The following C1GALT1 variants were observed in gnomAD, a reference collection of about 807,000 sequenced individuals.
The protein encoded by C1GALT1 is core 1 synthase, glycoprotein-N-acetylgalactosamine 3-beta-galactosyltransferase 1, also known as glycoprotein-N-acetylgalactosamine 3-beta-galactosyltransferase 1.
Under a neutral mutation model 31.0 loss-of-function variants are expected in C1GALT1, and 11 were observed. That is an observed-to-expected ratio of 0.36 (90% CI 0.22 to 0.59). C1GALT1 has a LOEUF of 0.59. Among genes scored for constraint, C1GALT1 ranks in the 20% least tolerant of loss-of-function variants. The probability of loss-of-function intolerance (pLI) is 0.79; values close to 1 mark genes in which losing one functional copy is unlikely to be tolerated. For synonymous variants in C1GALT1, 175 were observed against 143.6 expected, an observed-to-expected ratio of 1.22 and a Z score of -1.56; for missense variants, 424 against 425.2, an observed-to-expected ratio of 1.00 and a Z score of 0.03.
chr7:7,167,321 C>T (rs1186146342), intron 2 of C1GALT1, among the ~76,000 whole-genome samples: 7 of 152,182 alleles, frequency 4.6e-5, no homozygotes, highest in Non-Finnish European at 1.0e-4. Context: ...GAACAGCATT[C>T]ATTGAGATTA....
At chr7:7,163,858 G>T (rs924372858) in intron 2 of C1GALT1, among the ~76,000 whole-genome samples, 2 of 151,490 alleles carry the variant, frequency 1.3e-5, no homozygotes, top group African/African-American at 4.8e-5. Flanking sequence ...TCATGGGTAG[G>T]AAGAATCAAT....
In C1GALT1 at chr7:7,238,373, G is replaced by T; in HGVS notation, c.339G>T (p.Gln113His). Residue 113 changes from glutamine to histidine, a missense_variant, in exon 3 of 4, where the codon CAG becomes CAT. Physicochemically the swap from Gln to His is conservative, Grantham distance 24. Coordinates refer to ENST00000436587, the MANE Select transcript of C1GALT1 (RefSeq NM_020156.5). The surrounding 1 kb of genome is among the most constrained non-coding windows in gnomAD (Gnocchi z 5.2). ...AACACGTCAAAGCTACTTGGGCCCA[G>T]CGTTGTAACAAAGTGTTGTTTATGA... is the stretch of plus-strand genomic sequence containing the variant. ...KAKHVKATWA[Q>H]RCNKVLFMSS... 3.1e-6 allele frequency: 5 copies of T among 1,614,102 alleles called. No individual in the cohort carries two copies. Among genetic ancestry groups the T allele is most frequent in the Non-Finnish European group, 4.2e-6 (5 of 1,179,992 alleles).
chr7:7,243,707 G>C lies in C1GALT1; in HGVS notation c.1072G>C (p.Val358Leu), dbSNP rs747744965. The C allele has an allele frequency of 1.2e-6, 2 of 1,604,326 alleles. No homozygotes were observed. Among genetic ancestry groups the C allele is most frequent in the East Asian group, 4.5e-5 (2 of 44,770 alleles). Residue 358 changes from valine (V) to leucine (L), a missense_variant, in exon 4 of 4, where the codon GTG becomes CTG. By Grantham distance (32) the Val-to-Leu change is conservative. This residue lies in a region of C1GALT1 where 191 missense variants were observed against 188.8 expected (regional missense o/e 1.01). Transcript: ENST00000436587. ...SQANKNEDTK[V>L]KLGNP The stretch of plus-strand genomic sequence containing the variant: ...AGCAAACAAAAATGAAGATACAAAA[G>C]TGAAGTTAGGAAATCCTTGAAAGAA...
At chr7:7,179,977 A>T (rs1780552378), upstream of C1GALT1, among the ~76,000 whole-genome samples, 1 of 152,186 alleles carries the variant, frequency 6.6e-6, no homozygotes, top group Non-Finnish European at 1.5e-5. Flanking sequence ...TGATGGTCAC[A>T]TGGCCAGCCA....
At chr7:7,175,083 G>T (rs868188333) in intron 2 of C1GALT1, among the ~76,000 whole-genome samples, 57 of 152,198 alleles carry the variant, frequency 3.7e-4, no homozygotes, top group African/African-American at 1.2e-3. Flanking sequence ...CCTATGATGT[G>T]GTAACTAGAA....
At chr7:7,231,575 A>G (rs142549222) in intron 1 of C1GALT1, among the ~76,000 whole-genome samples, 74 of 151,854 alleles carry the variant, frequency 4.9e-4, no homozygotes, top group African/African-American at 1.6e-3. Flanking sequence ...TTTTTTCTTC[A>G]GCTGTGACTA....
intron 3 of C1GALT1, among the ~76,000 whole-genome samples, chr7:7,242,965 G>T (rs1219559829): frequency 1.3e-5 from 2 of 152,098 alleles, no homozygotes; most frequent in Non-Finnish European, 2.9e-5. Flanking sequence ...ACTCAAGGTC[G>T]TATACTAGCC....
intron 2 of C1GALT1, among the ~76,000 whole-genome samples, chr7:7,160,341 T>C (rs1290535046): frequency 6.6e-6 from 1 of 152,160 alleles, no homozygotes; most frequent in African/African-American, 2.4e-5. Flanking sequence ...CTCCAACCCC[T>C]AATCCCTGCC....
At chr7:7,242,722 T>C (rs1783686659) in intron 3 of C1GALT1, among the ~76,000 whole-genome samples, 2 of 152,106 alleles carry the variant, frequency 1.3e-5, no homozygotes, top group South Asian at 2.1e-4. Flanking sequence ...TGTTGTTTTA[T>C]TTTAAACTTT....
chr7:7,200,344 T>C (rs1781481630), intron 1 of C1GALT1, among the ~76,000 whole-genome samples: 1 of 152,240 alleles, frequency 6.6e-6, no homozygotes, highest in African/African-American at 2.4e-5. Flanking sequence ...GAAATTCTTT[T>C]CTTTAAGAAT....
chr7:7,217,199 T>G (rs1309538756), intron 1 of C1GALT1, among the ~76,000 whole-genome samples: 1 of 152,186 alleles, frequency 6.6e-6, no homozygotes, highest in Non-Finnish European at 1.5e-5. Context: ...CATGCTGGCT[T>G]AGATAAAACG....
intron 2 of C1GALT1, among the ~76,000 whole-genome samples, chr7:7,174,280 C>A (rs1251416788): frequency 6.6e-6 from 1 of 152,198 alleles, no homozygotes; most frequent in Non-Finnish European, 1.5e-5. Context: ...AAAAGCGCAT[C>A]TTGGTTACTT....
Position 7,244,383 on chromosome 7 carries a change from C to CTAAT in C1GALT1, c.*659_*662dup, listed in dbSNP as rs914594001. On this transcript the variant is annotated 3_prime_UTR_variant, in exon 4 of 4. Coordinates refer to ENST00000436587, the MANE Select transcript of C1GALT1 (RefSeq NM_020156.5). ...CCTTGACTATATTATATACTTGATTCTAATTAGTCATCTTTTACGCAATCT... is the reference window on the plus strand; with the variant it reads ...CCTTGACTATATTATATACTTGATTCTAATTAATTAGTCATCTTTTACGCAATCT... 6.6e-6 allele frequency: 1 copy of CTAAT among 152,132 alleles called. No individual in the cohort carries two copies. The highest frequency in any genetic ancestry group is 2.4e-5 in the African/African-American group (1 of 41,440). 9.4% of individuals were successfully genotyped at this position (152,132 alleles called of 1,614,324 possible). A position where few individuals can be genotyped will look rare whatever the true frequency, so the allele number is the denominator to read the frequency against.
chr7:7,238,101 C>T lies in C1GALT1; in HGVS notation c.221-154C>T, dbSNP rs1783450168. ...AAACCAATAAATCAGAGTGTCAGTTCACATTAGGATGAGTTTGCTTTCCTT... is the reference window on the plus strand; with the variant it reads ...AAACCAATAAATCAGAGTGTCAGTTTACATTAGGATGAGTTTGCTTTCCTT... On this transcript the variant is annotated intron_variant, in intron 2 of 3. Coordinates refer to ENST00000436587, the MANE Select transcript of C1GALT1 (RefSeq NM_020156.5). This position sits in a 1 kb window ranked among gnomAD's most constrained non-coding sequence, Gnocchi z 5.2. Among the ~76,000 whole-genome samples the T allele has an allele frequency of 6.6e-6, 1 of 152,170 alleles. No homozygotes were observed. Among genetic ancestry groups the T allele is most frequent in the African/African-American group, 2.4e-5 (1 of 41,440 alleles).
At chr7:7,174,379 TAAC>T (rs1193586796) in intron 2 of C1GALT1, among the ~76,000 whole-genome samples, 2 of 152,206 alleles carry the variant, frequency 1.3e-5, no homozygotes, top group Non-Finnish European at 1.5e-5. Flanking sequence ...TCTGGGTAAA[TAAC>T]AACGAGCCCA....
At chr7:7,228,855 TA>T (rs1289438172) in intron 1 of C1GALT1, among the ~76,000 whole-genome samples, 5 of 152,218 alleles carry the variant, frequency 3.3e-5, no homozygotes, top group African/African-American at 1.2e-4. Context: ...ATGCCTTGCT[TA>T]AAAAGTGCCT....
rs773916621 is a variant in C1GALT1 at position 7,238,500 on chromosome 7, G to C, written c.466G>C (p.Glu156Gln). ...KTIKAFQYVH[E>Q]HYLEDADWFL... Reference sequence around the variant, plus strand: ...AATTAAAGCTTTTCAGTATGTTCATGAACATTATTTAGAAGATGCTGATTG... The same window carrying C: ...AATTAAAGCTTTTCAGTATGTTCATCAACATTATTTAGAAGATGCTGATTG... The change falls in exon 3 of 4, where the codon GAA becomes CAA. Residue 156 changes from glutamate to glutamine, a missense_variant. Coordinates refer to ENST00000436587, the MANE Select transcript of C1GALT1 (RefSeq NM_020156.5). The surrounding 1 kb of genome is among the most constrained non-coding windows in gnomAD (Gnocchi z 5.2). The C allele has an allele frequency of 6.2e-6, 10 of 1,614,060 alleles. No individual in the cohort carries two copies. The Admixed American group carries it at 1.5e-4, about 24-fold the overall frequency.
chr7:7,163,392 T>G (rs1199699271), intron 2 of C1GALT1, among the ~76,000 whole-genome samples: 2 of 152,180 alleles, frequency 1.3e-5, no homozygotes, highest in African/African-American at 4.8e-5. Context: ...AGCATTCCCT[T>G]TGAAAACTGG....
chr7:7,194,300 AG>A (rs1781196475), intron 1 of C1GALT1, among the ~76,000 whole-genome samples: 2 of 152,170 alleles, frequency 1.3e-5, no homozygotes, highest in Middle Eastern at 3.4e-3. Flanking sequence ...GTATAATGTT[AG>A]CTGTAGGTTT....
Sources: gnomAD v4.1 joint callset for allele counts (sites outside exome capture counted in the v4.1 genomes callset) on GRCh38, gnomAD v4.1.1 for gene constraint, gnomAD v4.1.1 regional missense constraint, Gnocchi (gnomAD v3.1) non-coding constraint, MANE v1.5 for transcripts, NCBI Gene and HGNC (gene_info 2026-07-23, HGNC 2026-07-21) for gene names.